The following ARID3B variants were observed in gnomAD, a reference collection of about 807,000 sequenced individuals.
ARID3B encodes the protein AT-rich interaction domain 3B.
Under a neutral mutation model 51.9 loss-of-function variants are expected in ARID3B, and 10 were observed. That is an observed-to-expected ratio of 0.19 (90% CI 0.12 to 0.33). The LOEUF is 0.33. ARID3B is among the 10% of genes least tolerant of loss of function. The pLI is 1.00. For synonymous variants in ARID3B, 205 were observed against 279.5 expected, an observed-to-expected ratio of 0.73 and a Z score of 2.66; for missense variants, 483 against 716.3, an observed-to-expected ratio of 0.67 and a Z score of 3.72.
At chr15:74,555,691 C>T (rs2061654829) in intron 2 of ARID3B, among the ~76,000 whole-genome samples, 1 of 151,518 alleles carries the variant, frequency 6.6e-6, no homozygotes. Flanking sequence ...ACACCTAGAA[C>T]AGTGAATCCT....
chr15:74,573,278 A>G (rs1235119016), intron 4 of ARID3B, 74 bp downstream of exon 4: 1 of 1,478,426 alleles, frequency 6.8e-7, no homozygotes. Flanking sequence ...AGTCACTGTT[A>G]GACATCCTGG....
intron 2 of ARID3B, among the ~76,000 whole-genome samples, chr15:74,567,439 T>G (rs2061703287): frequency 6.6e-6 from 1 of 152,000 alleles, no homozygotes. Flanking sequence ...GGGAACAATT[T>G]TTTTTTTTTT....
At chr15:74,569,431 A>C (rs1335130265) in intron 2 of ARID3B, among the ~76,000 whole-genome samples, 1 of 152,144 alleles carries the variant, frequency 6.6e-6, no homozygotes, top group Non-Finnish European at 1.5e-5. Context: ...TACCAAAAAT[A>C]CAAAAATTAG....
intron 2 of ARID3B, among the ~76,000 whole-genome samples, chr15:74,560,828 T>C (rs1455828166): frequency 1.3e-5 from 2 of 152,368 alleles, no homozygotes; most frequent in South Asian, 2.1e-4. Context: ...TGTGGTGGGA[T>C]AGATTATTAT....
intron 2 of ARID3B, among the ~76,000 whole-genome samples, chr15:74,566,197 A>C (rs1764832845): frequency 6.6e-6 from 1 of 152,032 alleles, no homozygotes; most frequent in South Asian, 2.1e-4. Context: ...TCCCTCTCAG[A>C]TTTTCAATAC....
In ARID3B at chr15:74,591,773, T is replaced by C. The variant is rs759762415; in HGVS notation, c.1379T>C (p.Met460Thr). 3.7e-6 allele frequency: 6 copies of C among 1,614,162 alleles called. No individual in the cohort carries two copies. Among genetic ancestry groups the C allele is most frequent in the Non-Finnish European group, 3.4e-6 (4 of 1,180,026 alleles). The change falls in exon 7 of 9, where the codon ATG becomes ACG. Residue 460 changes from methionine to threonine, a missense_variant. Physicochemically the swap from Met to Thr is moderately conservative, Grantham distance 81 (BLOSUM62 -1). This residue lies in a region of ARID3B where 265 missense variants were observed against 354.4 expected (regional missense o/e 0.75). Coordinates refer to ENST00000346246, the MANE Select transcript of ARID3B (RefSeq NM_006465.4). The surrounding 1 kb of genome is among the most constrained non-coding windows in gnomAD (Gnocchi z 5.8). ...QQAFQRNFFSMARQLPMKIRI... is the reference protein window; with the variant it reads ...QQAFQRNFFSTARQLPMKIRI... ...GCCTTCCAGCGCAACTTTTTCAGCA[T>C]GGCACGGCAGCTCCCCATGAAGATC...
intron 2 of ARID3B, among the ~76,000 whole-genome samples, chr15:74,553,964 C>G (rs1465538593): frequency 6.6e-6 from 1 of 151,982 alleles, no homozygotes; most frequent in Admixed American, 6.6e-5. Context: ...GCTGGGATTA[C>G]AGGCATGCAC....
intron 4 of ARID3B, among the ~76,000 whole-genome samples, chr15:74,585,974 G>T (rs2061780218): frequency 6.6e-6 from 1 of 152,230 alleles, no homozygotes; most frequent in Non-Finnish European, 1.5e-5. Context: ...GGCACCAAGG[G>T]CCAGCCTGCA....
intron 2 of ARID3B, among the ~76,000 whole-genome samples, chr15:74,568,911 G>T (rs1392863435): frequency 6.6e-6 from 1 of 152,148 alleles, no homozygotes; most frequent in Admixed American, 6.6e-5. Context: ...CTTGCATGCA[G>T]CAACCCTTCA....
chr15:74,594,309 G>A (rs546750603), intron 8 of ARID3B, among the ~76,000 whole-genome samples: 6 of 152,116 alleles, frequency 3.9e-5, no homozygotes, highest in African/African-American at 9.6e-5. Flanking sequence ...TTAGCCAGGC[G>A]TGGGGGCGGG....
At chr15:74,545,710 G>T (rs1375254325) in intron 2 of ARID3B, among the ~76,000 whole-genome samples, 1 of 152,214 alleles carries the variant, frequency 6.6e-6, no homozygotes, top group Non-Finnish European at 1.5e-5. Flanking sequence ...CAACTGAGAA[G>T]TCATATAAGA....
intron 2 of ARID3B, among the ~76,000 whole-genome samples, chr15:74,563,895 A>G (rs921652255): frequency 6.6e-6 from 1 of 152,102 alleles, no homozygotes; most frequent in African/African-American, 2.4e-5. Flanking sequence ...TGATCATTGC[A>G]TGGAGTGATT....
chr15:74,591,742 C>G lies in ARID3B; in HGVS notation c.1348C>G (p.Gln450Glu). The part of the protein sequence containing the change: ...RLSEEEQRLV[Q>E]QAFQRNFFSM... ...GTCTGAGGAGGAGCAGCGCCTGGTG[C>G]AGCAGGCCTTCCAGCGCAACTTTTT... The change falls in exon 7 of 9, where the codon CAG becomes GAG. Residue 450 changes from glutamine to glutamate, a missense_variant. Transcript: ENST00000346246. The surrounding 1 kb of genome is among the most constrained non-coding windows in gnomAD (Gnocchi z 5.8). 6.2e-7 allele frequency: 1 copy of G among 1,614,214 alleles called. No homozygotes were observed. The highest frequency in any genetic ancestry group is 8.5e-7 in the Non-Finnish European group (1 of 1,180,034).
At chr15:74,572,310 A>G (rs554234470) in intron 2 of ARID3B, among the ~76,000 whole-genome samples, 20 of 152,356 alleles carry the variant, frequency 1.3e-4, no homozygotes, top group African/African-American at 4.6e-4. Context: ...AAACAATCTC[A>G]GGCCATGGTG....
chr15:74,565,239 A>T (rs991719097), intron 2 of ARID3B, among the ~76,000 whole-genome samples: 1 of 151,324 alleles, frequency 6.6e-6, no homozygotes, highest in Admixed American at 6.6e-5. Context: ...TTTTGTAGAG[A>T]TGGAGTCTCC....
At chr15:74,585,208 C>T (rs1424344147) in intron 4 of ARID3B, among the ~76,000 whole-genome samples, 1 of 152,220 alleles carries the variant, frequency 6.6e-6, no homozygotes, top group Non-Finnish European at 1.5e-5. Flanking sequence ...ACAAAGATCT[C>T]TCTTCAGTGG....
In ARID3B at chr15:74,595,789, C is replaced by T. The variant is rs1455539774; in HGVS notation, c.*15C>T. 1 of 1,600,024 alleles carries T rather than the reference C, an allele frequency of 6.2e-7. No individual in the cohort carries two copies. The highest frequency in any genetic ancestry group is 2.2e-5 in the East Asian group (1 of 44,596). On this transcript the variant is annotated 3_prime_UTR_variant, in exon 9 of 9. Transcript: ENST00000346246. ...GGTCCCTCTGATGGGCAGGACCCAG[C>T]TTCCCACTTGCCACTCTCCTGTCGA...
chr15:74,571,298 T>C (rs1193895723), intron 2 of ARID3B, among the ~76,000 whole-genome samples: 1 of 152,200 alleles, frequency 6.6e-6, no homozygotes, highest in Non-Finnish European at 1.5e-5. Flanking sequence ...TTGACATGGT[T>C]TTAGAAGAAG....
In ARID3B at chr15:74,544,144, G is replaced by T. The variant is rs766090869; in HGVS notation, c.208G>T (p.Ala70Ser). 3 of 1,613,924 alleles carry T rather than the reference G, an allele frequency of 1.9e-6. No homozygotes were observed. The highest frequency in any genetic ancestry group is 2.5e-6 in the Non-Finnish European group (3 of 1,179,842). Residue 70 changes from alanine to serine, a missense_variant, in exon 2 of 9, where the codon GCC becomes TCC. Physicochemically the swap from Ala to Ser is moderately conservative, Grantham distance 99. This residue lies in a region of ARID3B where 182 missense variants were observed against 244.5 expected (regional missense o/e 0.74). Coordinates refer to ENST00000346246, the MANE Select transcript of ARID3B (RefSeq NM_006465.4). Reference protein sequence around the residue: ...PSGSTPLGPLARVPPTAAVAQ... With the variant: ...PSGSTPLGPLSRVPPTAAVAQ... Reference sequence around the variant, plus strand: ...TGGCAGCACTCCCTTAGGTCCCTTAGCCAGAGTTCCACCCACCGCAGCAGT... The same window carrying T: ...TGGCAGCACTCCCTTAGGTCCCTTATCCAGAGTTCCACCCACCGCAGCAGT...
Sources: gnomAD v4.1 joint callset for allele counts (sites outside exome capture counted in the v4.1 genomes callset) on GRCh38, gnomAD v4.1.1 for gene constraint, gnomAD v4.1.1 regional missense constraint, Gnocchi (gnomAD v3.1) non-coding constraint, MANE v1.5 for transcripts, NCBI Gene and HGNC (gene_info 2026-07-23, HGNC 2026-07-21) for gene names.